The following EML4 variants were observed in gnomAD, a reference collection of about 807,000 sequenced individuals.
The protein encoded by EML4 is echinoderm microtubule-associated protein-like 4.
Under a neutral mutation model 129.0 loss-of-function variants are expected in EML4, and 72 were observed. That is an observed-to-expected ratio of 0.56 (90% CI 0.46 to 0.68). The LOEUF (loss-of-function observed/expected upper bound fraction) is 0.68, where lower values mean the gene tolerates loss of function less well. Ranked by LOEUF, EML4 falls within the 30% of genes least tolerant of loss-of-function variation. EML4 has a pLI of 0.00. For synonymous variants in EML4, 532 were observed against 405.0 expected (o/e 1.31, Z -3.77); for missense variants, 1,363 against 1,190.6 (o/e 1.14, Z -2.13).
intron 1 of EML4, among the ~76,000 whole-genome samples, chr2:42,204,980 T>C (rs898726317): frequency 1.3e-5 from 2 of 152,320 alleles, no homozygotes; most frequent in Admixed American, 1.3e-4. Context: ...GTTTTAGAAA[T>C]CATAAATATT....
chr2:42,200,059 C>T (rs955845775), intron 1 of EML4, among the ~76,000 whole-genome samples: 1 of 150,762 alleles, frequency 6.6e-6, no homozygotes, highest in Non-Finnish European at 1.5e-5. Context: ...CTTGTAATCC[C>T]AGCACTTTGG....
In EML4 at chr2:42,245,704, G is replaced by C. The variant is rs746047033; in HGVS notation, c.208+17G>C. On this transcript the variant is annotated intron_variant, in intron 2 of 22. Coordinates refer to ENST00000318522, the MANE Select transcript of EML4 (RefSeq NM_019063.5). Reference sequence around the variant, plus strand: ...CAAGTAAAGGTAATTGTGTTGTAAAGTTAAAAAGAGTCTTGCTTTTTGCAA... The same window carrying C: ...CAAGTAAAGGTAATTGTGTTGTAAACTTAAAAAGAGTCTTGCTTTTTGCAA... 8.4e-6 allele frequency: 13 copies of C among 1,554,860 alleles called. No homozygotes were observed. The highest frequency in any genetic ancestry group is 1.7e-4 in the Middle Eastern group (1 of 5,840).
intron 1 of EML4, among the ~76,000 whole-genome samples, chr2:42,234,334 G>T (rs1294636650): frequency 6.6e-6 from 1 of 152,218 alleles, no homozygotes; most frequent in Non-Finnish European, 1.5e-5. Context: ...AACTATCTGG[G>T]AAGGTGGTAT....
At chr2:42,194,614 G>A (rs574783700) in intron 1 of EML4, among the ~76,000 whole-genome samples, 1 of 151,616 alleles carries the variant, frequency 6.6e-6, no homozygotes, top group Non-Finnish European at 1.5e-5. Flanking sequence ...GGGCTCAAGC[G>A]ATCCTCTCAC....
At chr2:42,318,481 T>C (rs571477146) in intron 19 of EML4, among the ~76,000 whole-genome samples, 1 of 152,352 alleles carries the variant, frequency 6.6e-6, no homozygotes, top group East Asian at 1.9e-4. Context: ...ATTTGTAAAC[T>C]AGTCTACAAA....
At chr2:42,206,427 G>C (rs1269515948) in intron 1 of EML4, among the ~76,000 whole-genome samples, 1 of 152,076 alleles carries the variant, frequency 6.6e-6, no homozygotes, top group Non-Finnish European at 1.5e-5. Flanking sequence ...TCTTGCCCAG[G>C]CAGGTCCCAA....
chr2:42,291,011 T>C (rs1667611079), intron 11 of EML4, among the ~76,000 whole-genome samples: 1 of 152,144 alleles, frequency 6.6e-6, no homozygotes, highest in Non-Finnish European at 1.5e-5. Flanking sequence ...ACATAAAATA[T>C]AAAATATCAA....
rs755372101 is a variant in EML4 at position 42,280,921 on chromosome 2, T to C, written c.739T>C (p.Tyr247His). 1 of 1,612,174 alleles carries C rather than the reference T, an allele frequency of 6.2e-7. No individual in the cohort carries two copies. Residue 247 changes from tyrosine (Y) to histidine (H), a missense_variant, in exon 7 of 23, where the codon TAT becomes CAT. Physicochemically the swap from Tyr to His is moderately conservative, Grantham distance 83. Transcript: ENST00000318522. ...TMFIPSDVDN[Y>H]DDIRTELPPE... ...GTTCATTCCTTCCGATGTTGACAACTATGATGACATCAGAACGGAACTGCC... is the reference window on the plus strand; with the variant it reads ...GTTCATTCCTTCCGATGTTGACAACCATGATGACATCAGAACGGAACTGCC...
chr2:42,239,002 C>T (rs761718320), intron 1 of EML4, among the ~76,000 whole-genome samples: 4 of 152,162 alleles, frequency 2.6e-5, no homozygotes, highest in Admixed American at 6.5e-5. Context: ...CTCCTCGGCT[C>T]ACGCAATCAT....
chr2:42,305,420 A>C (rs909436252), intron 17 of EML4, among the ~76,000 whole-genome samples: 2 of 152,230 alleles, frequency 1.3e-5, no homozygotes, highest in Non-Finnish European at 2.9e-5. Flanking sequence ...AAATGAGAAG[A>C]ATCAGAAAAT....
intron 1 of EML4, among the ~76,000 whole-genome samples, chr2:42,228,265 T>C (rs1236116473): frequency 6.6e-6 from 1 of 151,792 alleles, no homozygotes; most frequent in African/African-American, 2.4e-5. Flanking sequence ...TGAAAATTGC[T>C]AAGAGAGTAG....
intron 1 of EML4, among the ~76,000 whole-genome samples, chr2:42,172,462 A>C (rs922342218): frequency 1.3e-5 from 2 of 152,182 alleles, no homozygotes; most frequent in African/African-American, 4.8e-5. Context: ...GCCACATTGA[A>C]GTTACATGGT....
chr2:42,325,412 T>C, intron 19 of EML4, 55 bp from the exon 20 acceptor site: 2 of 812,068 alleles, frequency 2.5e-6, no homozygotes, highest in Non-Finnish European at 4.2e-6. Flanking sequence ...GCTGTTGAAC[T>C]GTTTATCATT....
intron 1 of EML4, among the ~76,000 whole-genome samples, chr2:42,233,979 T>G (rs1674508727): frequency 6.6e-6 from 1 of 152,258 alleles, no homozygotes; most frequent in Non-Finnish European, 1.5e-5. Context: ...CGAAAAGTAG[T>G]GCCAAAGGGC....
At position 42,188,074 on chromosome 2, in the gene EML4, T is replaced by C. The variant is rs79514817; in HGVS notation, c.25+18438T>C. Among the ~76,000 whole-genome samples the C allele has an allele frequency of 2.0e-3, 309 of 152,338 alleles. 6 individuals carry two copies. The highest frequency in any genetic ancestry group is 0.014 in the Admixed American group (217 of 15,302). On this transcript the variant is annotated intron_variant, in intron 1 of 22. Coordinates refer to ENST00000318522, the MANE Select transcript of EML4 (RefSeq NM_019063.5). ...GATTTTTGTTCCAGCACAATTGAACTAATCGGAAAGATTAGCCTTTTTCCA... is the reference window on the plus strand; with the variant it reads ...GATTTTTGTTCCAGCACAATTGAACCAATCGGAAAGATTAGCCTTTTTCCA...
intron 1 of EML4, chr2:42,170,211 C>G (rs1243770141): frequency 6.6e-6 from 1 of 152,330 alleles, no homozygotes; most frequent in African/African-American, 2.4e-5. Flanking sequence ...AGGCAACTTC[C>G]TTTTCAATCC....
intron 21 of EML4, among the ~76,000 whole-genome samples, chr2:42,327,138 G>A (rs1374000768): frequency 2.0e-5 from 3 of 152,008 alleles, no homozygotes; most frequent in Non-Finnish European, 2.9e-5. Context: ...TTAGCATAAC[G>A]TTTTCAAGGT....
intron 14 of EML4, 117 bp downstream of exon 14, chr2:42,301,509 C>A: frequency 1.2e-6 from 1 of 825,956 alleles, no homozygotes; most frequent in Non-Finnish European, 1.7e-6. Context: ...AATTTCATTT[C>A]CTTTCCTCAA....
chr2:42,286,075 TTGC>T (rs758203874), intron 9 of EML4, 191 bp from the exon 10 acceptor site: 48 of 623,136 alleles, frequency 7.7e-5, no homozygotes, highest in Non-Finnish European at 1.3e-4. Context: ...CACAAGTTAT[TTGC>T]TGCTATTTTC....
Sources: gnomAD v4.1 joint callset for allele counts (sites outside exome capture counted in the v4.1 genomes callset) on GRCh38, gnomAD v4.1.1 for gene constraint, MANE v1.5 for transcripts, NCBI Gene and HGNC (gene_info 2026-07-23, HGNC 2026-07-21) for gene names.